The following ZNF385C variants were observed in gnomAD, a reference collection of about 807,000 sequenced individuals.
The protein encoded by ZNF385C is zinc finger protein 385C, also known as CTD-2132N18.2.
Under a neutral mutation model 35.4 loss-of-function variants are expected in ZNF385C, and 28 were observed. The ratio of observed to expected loss-of-function variants is 0.79; its 90% CI spans 0.59 to 1.08. The LOEUF is 1.08. Ranked by LOEUF, ZNF385C falls within the 50% of genes least tolerant of loss-of-function variation. ZNF385C has a pLI of 0.00. For missense variants in ZNF385C, 605 were observed against 595.6 expected (o/e 1.02, Z -0.16); for synonymous variants, 248 against 248.2 (o/e 1.00, Z 0.01).
chr17:42,093,365 A>C (rs1435017953), intron 1 of ZNF385C, among the ~76,000 whole-genome samples: 2 of 152,204 alleles, frequency 1.3e-5, no homozygotes, highest in Admixed American at 6.5e-5. Flanking sequence ...CCTCAGTTCA[A>C]GGTCAATCAG....
At chr17:42,031,210 T>C (rs1368130462) in intron 5 of ZNF385C, among the ~76,000 whole-genome samples, 4 of 152,016 alleles carry the variant, frequency 2.6e-5, no homozygotes, top group Non-Finnish European at 4.4e-5. Flanking sequence ...GGCAAATAAA[T>C]TTTTTGTAGA....
intron 2 of ZNF385C, among the ~76,000 whole-genome samples, chr17:42,057,977 G>A (rs1451675505): frequency 6.6e-6 from 1 of 151,954 alleles, no homozygotes; most frequent in Non-Finnish European, 1.5e-5. Flanking sequence ...GGCTTCCTGG[G>A]CAGGAGACAG....
chr17:42,059,745 G>T (rs540535762), intron 2 of ZNF385C, among the ~76,000 whole-genome samples: 1 of 152,080 alleles, frequency 6.6e-6, no homozygotes, highest in Non-Finnish European at 1.5e-5. Flanking sequence ...ACTCAGCCTC[G>T]CCAGTAACTG....
intron 2 of ZNF385C, among the ~76,000 whole-genome samples, chr17:42,051,069 C>T (rs545927829): frequency 6.6e-6 from 1 of 152,144 alleles, no homozygotes; most frequent in South Asian, 2.1e-4. Context: ...GGGAAGGGCA[C>T]TCCAGGCCGT....
chr17:42,032,119 G>T (rs1293917282), intron 4 of ZNF385C, among the ~76,000 whole-genome samples: 1 of 152,162 alleles, frequency 6.6e-6, no homozygotes, highest in Non-Finnish European at 1.5e-5. Context: ...GGAGTGCAGT[G>T]GCGCCATCTC....
At chr17:42,036,222 C>A (rs1555655438) in intron 3 of ZNF385C, among the ~76,000 whole-genome samples, 1 of 152,110 alleles carries the variant, frequency 6.6e-6, no homozygotes, top group Non-Finnish European at 1.5e-5. Context: ...TAGTCTCAAA[C>A]TCCTGACCTC....
At chr17:42,041,713 G>A (rs1412464346) in intron 2 of ZNF385C, among the ~76,000 whole-genome samples, 1 of 152,022 alleles carries the variant, frequency 6.6e-6, no homozygotes, top group East Asian at 1.9e-4. Flanking sequence ...AGTCACCCTG[G>A]GTCCCAGCTG....
Position 42,028,116 on chromosome 17 carries a change from C to T in ZNF385C, c.1098G>A (p.Gly366=), listed in dbSNP as rs1555654521. The stretch of plus-strand genomic sequence containing the variant: ...GAGCACAGTGGAAGGCAGGGCTGGG[C>T]CCCTGCCGGCCGCCCCGGCCCCCTG... ...RVTGGRGGRQ[G]PSPAFHCALC... is the part of the protein sequence containing the mutation. The change falls in exon 7 of 9, where the codon GGG becomes GGA. Residue 366 remains glycine, a synonymous_variant. Coordinates refer to ENST00000692273, the MANE Select transcript of ZNF385C (RefSeq NM_001392013.1). 3 of 1,613,146 alleles carry T rather than the reference C, an allele frequency of 1.9e-6. No individual in the cohort carries two copies. Among genetic ancestry groups the T allele is most frequent in the Non-Finnish European group, 1.7e-6 (2 of 1,179,666 alleles).
intron 1 of ZNF385C, among the ~76,000 whole-genome samples, chr17:42,090,390 G>A (rs1382190006): frequency 1.4e-5 from 2 of 145,376 alleles, no homozygotes; most frequent in Admixed American, 7.0e-5. Flanking sequence ...AGGTTCAAGC[G>A]ATTCTCCTGC....
At position 42,089,646 on chromosome 17, in the gene ZNF385C, T is replaced by G. The variant is rs1189958322; in HGVS notation, c.-3+8764A>C. ...AATCAAATCTTGACCACGAATCTTTTTTTTTGGTTTTAATTTAAATCTTCC... is the reference window on the plus strand; with the variant it reads ...AATCAAATCTTGACCACGAATCTTTGTTTTTGGTTTTAATTTAAATCTTCC... On this transcript the variant is annotated intron_variant, in intron 1 of 8. Coordinates refer to ENST00000692273, the MANE Select transcript of ZNF385C (RefSeq NM_001392013.1). Among the ~76,000 whole-genome samples, 10 of 152,354 alleles carry G rather than the reference T, an allele frequency of 6.6e-5. No homozygotes were observed. The South Asian group carries it at 1.7e-3, about 25-fold the overall frequency.
intron 2 of ZNF385C, chr17:42,041,194 G>A (rs2053011567): frequency 4.9e-6 from 6 of 1,232,528 alleles, no homozygotes; most frequent in Non-Finnish European, 6.1e-6. Context: ...GGCCACCTGG[G>A]ACAGCCAGGG....
chr17:42,056,283 A>C (rs1215650771), intron 2 of ZNF385C, among the ~76,000 whole-genome samples: 2 of 152,164 alleles, frequency 1.3e-5, no homozygotes, highest in African/African-American at 4.8e-5. Flanking sequence ...TTTTCAGTTG[A>C]GCACACCAAG....
intron 1 of ZNF385C, among the ~76,000 whole-genome samples, chr17:42,079,313 A>G (rs1394473763): frequency 6.9e-6 from 1 of 145,270 alleles, no homozygotes; most frequent in African/African-American, 2.6e-5. Context: ...CTGAGACGGG[A>G]GATTGAGGCT....
At chr17:42,075,037 A>G (rs2053669499) in intron 1 of ZNF385C, among the ~76,000 whole-genome samples, 1 of 152,218 alleles carries the variant, frequency 6.6e-6, no homozygotes, top group East Asian at 1.9e-4. Context: ...TGCTTGCATA[A>G]TGGTCGTAGA....
chr17:42,062,097 C>T (rs532109334), intron 2 of ZNF385C: 1 of 152,976 alleles, frequency 6.5e-6, no homozygotes, highest in Admixed American at 6.5e-5. Flanking sequence ...GGGGTAAGTT[C>T]CTGCCTTTCC....
chr17:42,092,170 T>C (rs1043096737), intron 1 of ZNF385C, among the ~76,000 whole-genome samples: 7 of 152,144 alleles, frequency 4.6e-5, no homozygotes, highest in Non-Finnish European at 1.0e-4. Context: ...GAGGCCGAGG[T>C]GGGTGGATCA....
chr17:42,042,812 C>G, intron 2 of ZNF385C: 1 of 1,232,048 alleles, frequency 8.1e-7, no homozygotes, highest in Non-Finnish European at 1.0e-6. Flanking sequence ...GCCCTTCCCC[C>G]ATACTTCTGG....
chr17:42,026,955 C>T lies in ZNF385C; in HGVS notation c.1454G>A (p.Arg485His), dbSNP rs376229959. 42 of 1,610,648 alleles carry T rather than the reference C, an allele frequency of 2.6e-5. No homozygotes were observed. Among genetic ancestry groups the T allele is most frequent in the Non-Finnish European group, 3.2e-5 (38 of 1,178,394 alleles). ...PAPILGPALF[R>H]TPAGAVRPAT... ...AGGGCGGACAGCTCCTGCTGGGGTGCGAAACAGAGCTGGGCCCAGGATGGG... is the reference window on the plus strand; with the variant it reads ...AGGGCGGACAGCTCCTGCTGGGGTGTGAAACAGAGCTGGGCCCAGGATGGG... The change falls in exon 9 of 9, where the codon CGC becomes CAC. Residue 485 changes from arginine to histidine, a missense_variant. Coordinates refer to ENST00000692273, the MANE Select transcript of ZNF385C (RefSeq NM_001392013.1).
intron 4 of ZNF385C, among the ~76,000 whole-genome samples, chr17:42,032,152 C>G (rs2052745521): frequency 6.6e-6 from 1 of 152,156 alleles, no homozygotes; most frequent in Non-Finnish European, 1.5e-5. Flanking sequence ...CCTCCGCCTC[C>G]CGGGTTCAAG....
Sources: gnomAD v4.1 joint callset for allele counts (sites outside exome capture counted in the v4.1 genomes callset) on GRCh38, gnomAD v4.1.1 for gene constraint, MANE v1.5 for transcripts, NCBI Gene and HGNC (gene_info 2026-07-23, HGNC 2026-07-21) for gene names.